The following PTER variants were observed in gnomAD, a reference collection of about 807,000 sequenced individuals.
PTER encodes phosphotriesterase related, also known as N-acetyltaurine hydrolase.
Under a neutral mutation model 29.6 loss-of-function variants are expected in PTER, and 38 were observed. That is an observed-to-expected ratio of 1.28 (90% CI 0.99 to 1.68). The LOEUF (loss-of-function observed/expected upper bound fraction) is 1.68. PTER is among the 40% of genes most tolerant of loss of function. The probability of loss-of-function intolerance (pLI) is 0.00; values close to 1 mark genes in which losing one functional copy is unlikely to be tolerated. For synonymous variants in PTER, 172 were observed against 154.5 expected (o/e 1.11, Z -0.84); for missense variants, 482 against 427.8 (o/e 1.13, Z -1.12).
chr10:16,484,070 A>G (rs773393068), intron 1 of PTER, among the ~76,000 whole-genome samples: 9 of 152,180 alleles, frequency 5.9e-5, no homozygotes, highest in Non-Finnish European at 1.3e-4. Flanking sequence ...ATATCAAAGA[A>G]TATTTCCAGT....
At chr10:16,452,011 TC>T (rs1161489362) in intron 1 of PTER, among the ~76,000 whole-genome samples, 2 of 152,184 alleles carry the variant, frequency 1.3e-5, no homozygotes, top group Non-Finnish European at 2.9e-5. Context: ...TAATAGTTTT[TC>T]TTTAAACCAA....
At chr10:16,495,333 G>A (rs981011963) in intron 3 of PTER, among the ~76,000 whole-genome samples, 19 of 152,094 alleles carry the variant, frequency 1.2e-4, no homozygotes, top group Non-Finnish European at 2.1e-4. Context: ...ACCACGCTCA[G>A]CCAATTTTGT....
chr10:16,472,397 A>G (rs1322329708), intron 1 of PTER, among the ~76,000 whole-genome samples: 1 of 152,148 alleles, frequency 6.6e-6, no homozygotes, highest in Non-Finnish European at 1.5e-5. Flanking sequence ...AGATAATTGA[A>G]TCACGGGGGC....
intron 1 of PTER, among the ~76,000 whole-genome samples, chr10:16,466,318 C>G (rs1053597481): frequency 1.3e-5 from 2 of 150,756 alleles, no homozygotes; most frequent in African/African-American, 4.9e-5. Context: ...TTTTTTTACA[C>G]CAAACAGGCT....
chr10:16,506,604 T>C (rs547820469), intron 4 of PTER, among the ~76,000 whole-genome samples: 14 of 152,114 alleles, frequency 9.2e-5, no homozygotes, highest in African/African-American at 2.9e-4. Flanking sequence ...GGGGAACAAA[T>C]AGAAAGTCGG....
At chr10:16,444,906 A>G (rs1310245896) in intron 1 of PTER, among the ~76,000 whole-genome samples, 1 of 152,100 alleles carries the variant, frequency 6.6e-6, no homozygotes, top group Non-Finnish European at 1.5e-5. Context: ...GGGTTGTTAC[A>G]TGGGTATGTA....
intron 1 of PTER, among the ~76,000 whole-genome samples, chr10:16,474,769 C>T (rs1835197327): frequency 6.6e-6 from 1 of 152,078 alleles, no homozygotes; most frequent in Non-Finnish European, 1.5e-5. Flanking sequence ...CACCTGTAAT[C>T]CCAGCTACTC....
At chr10:16,500,964 C>T (rs1836313730) in intron 3 of PTER, among the ~76,000 whole-genome samples, 1 of 152,122 alleles carries the variant, frequency 6.6e-6, no homozygotes, top group Admixed American at 6.6e-5. Context: ...CACAGTCTCA[C>T]TCTGTCACCC....
intron 1 of PTER, among the ~76,000 whole-genome samples, chr10:16,440,743 T>C (rs1274257801): frequency 1.3e-5 from 2 of 152,250 alleles, no homozygotes; most frequent in Non-Finnish European, 2.9e-5. Context: ...GCCTGGGTCA[T>C]AGAGGACAGT....
At chr10:16,443,803 G>A (rs777421531) in intron 1 of PTER, among the ~76,000 whole-genome samples, 7 of 152,142 alleles carry the variant, frequency 4.6e-5, no homozygotes, top group Non-Finnish European at 1.0e-4. Context: ...ACTATGATGA[G>A]TCCATGTACT....
intron 1 of PTER, among the ~76,000 whole-genome samples, chr10:16,465,880 G>A (rs934065604): frequency 1.3e-5 from 2 of 152,152 alleles, no homozygotes; most frequent in Non-Finnish European, 2.9e-5. Context: ...GCAAGTGAGA[G>A]CAGGGAAAAC....
intron 1 of PTER, among the ~76,000 whole-genome samples, chr10:16,469,312 C>G (rs1378102290): frequency 6.6e-6 from 1 of 152,098 alleles, no homozygotes; most frequent in African/African-American, 2.4e-5. Flanking sequence ...TACTATCAGG[C>G]TCTATGTTCA....
chr10:16,471,584 A>T (rs1237227698), intron 1 of PTER, among the ~76,000 whole-genome samples: 2 of 152,172 alleles, frequency 1.3e-5, no homozygotes, highest in Admixed American at 1.3e-4. Flanking sequence ...TTTTTATCGT[A>T]TTTAAAATAC....
At chr10:16,507,340 C>G (rs185903560) in intron 4 of PTER, among the ~76,000 whole-genome samples, 18 of 151,802 alleles carry the variant, frequency 1.2e-4, no homozygotes, top group African/African-American at 4.4e-4. Context: ...GAGTGGGAAA[C>G]TGAAGATGGA....
chr10:16,453,977 C>G (rs1220335280), intron 1 of PTER, among the ~76,000 whole-genome samples: 2 of 152,104 alleles, frequency 1.3e-5, no homozygotes, highest in Non-Finnish European at 2.9e-5. Flanking sequence ...GTGATTTGCC[C>G]AAATATGTGC....
intron 1 of PTER, among the ~76,000 whole-genome samples, chr10:16,470,159 G>A (rs1214990779): frequency 2.0e-5 from 3 of 152,026 alleles, no homozygotes; most frequent in African/African-American, 7.2e-5. Flanking sequence ...TCAGTCCAGG[G>A]GCAAGTTTCT....
chr10:16,501,379 A>G lies in PTER; in HGVS notation c.699-3641A>G, dbSNP rs984192937. ...CACACACACACACACATGCACACAC[A>G]CACACACACACCCCATAGTAAGAAA... On this transcript the variant is annotated intron_variant, in intron 3 of 4. Transcript: ENST00000535784. Among the ~76,000 whole-genome samples the G allele has an allele frequency of 3.2e-4, 48 of 149,866 alleles. No individual in the cohort carries two copies. The East Asian group carries it at 8.4e-3, about 26-fold the overall frequency.
chr10:16,488,675 C>A (rs1012503175), intron 3 of PTER, among the ~76,000 whole-genome samples: 1 of 151,898 alleles, frequency 6.6e-6, no homozygotes, highest in Non-Finnish European at 1.5e-5. Flanking sequence ...ATGATTTTGG[C>A]TCACTGCAGC....
intron 1 of PTER, among the ~76,000 whole-genome samples, chr10:16,460,863 C>A (rs960965573): frequency 6.6e-5 from 10 of 152,182 alleles, no homozygotes; most frequent in African/African-American, 2.4e-4. Context: ...ATTACAGGCA[C>A]CCGCCACCAC....
Sources: allele counts gnomAD v4.1 joint callset (sites outside exome capture counted in the v4.1 genomes callset), GRCh38; gene constraint gnomAD v4.1.1; transcripts MANE v1.5; gene names NCBI Gene and HGNC (gene_info 2026-07-23, HGNC 2026-07-21).